TPH1: variants seen among roughly 807,000 people sequenced by gnomAD.
TPH1 encodes the protein tryptophan 5-hydroxylase 1.
Under a neutral mutation model 49.5 loss-of-function variants are expected in TPH1, and 37 were observed. That is an observed-to-expected ratio of 0.75 (90% CI 0.58 to 0.98). The LOEUF is 0.98. Among genes scored for constraint, TPH1 ranks in the 50% least tolerant of loss-of-function variants. The pLI is 0.00. For synonymous variants in TPH1, 160 were observed against 182.1 expected (o/e 0.88, Z 0.98); for missense variants, 487 against 523.6 (o/e 0.93, Z 0.68).
intron 1 of TPH1, among the ~76,000 whole-genome samples, chr11:18,043,022 A>G (rs1848111964): frequency 6.6e-6 from 1 of 152,246 alleles, no homozygotes; most frequent in African/African-American, 2.4e-5. Flanking sequence ...CAAAGACCCC[A>G]AAGTAAAATG....
chr11:18,029,081 CAAAAAAAAAAAAAA>C (rs368358256), intron 6 of TPH1, 70 bp downstream of exon 6: 9 of 540,826 alleles, frequency 1.7e-5, no homozygotes, highest in Non-Finnish European at 2.7e-5. Context: ...GACTCTGTCT[CAAAAAAAAAAAAAA>C]AAAAAAAATG....
Position 18,019,826 on chromosome 11 carries a change from C to T in TPH1, c.*1165G>A. The T allele has an allele frequency of 2.2e-6, 1 of 445,564 alleles. No homozygotes were observed. The highest frequency in any genetic ancestry group is 1.6e-5 in the South Asian group (1 of 62,088). 27.6% of individuals were successfully genotyped at this position (445,564 alleles called of 1,614,324 possible). A position where few individuals can be genotyped will look rare whatever the true frequency, so the allele number is the denominator to read the frequency against. On this transcript the variant is annotated 3_prime_UTR_variant, in exon 11 of 11. Transcript: ENST00000682019. ...CCATTTATAACAGGACTGCTTACTC[C>T]CTGTGCTACACAGCTGACTCTGCAT...
chr11:18,019,930 A>G lies in TPH1; in HGVS notation c.*1061T>C, dbSNP rs1183386680. On this transcript the variant is annotated 3_prime_UTR_variant, in exon 11 of 11. Coordinates refer to ENST00000682019, the MANE Select transcript of TPH1 (RefSeq NM_004179.3). ...CTCTTCTTGACCTTTCTGACATTCT[A>G]TTTCCTCCCCTTTTCTGCAGCCTCT... The G allele has an allele frequency of 5.7e-6, 2 of 353,522 alleles. No homozygotes were observed. The highest frequency in any genetic ancestry group is 1.1e-5 in the Non-Finnish European group (2 of 180,158). 21.9% of individuals were successfully genotyped at this position (353,522 alleles called of 1,614,324 possible).
chr11:18,026,431 A>T, intron 7 of TPH1, 59 bp downstream of exon 7: 11 of 1,070,960 alleles, frequency 1.0e-5, no homozygotes, highest in South Asian at 2.5e-5. Flanking sequence ...CCCATAAGGT[A>T]GATGCCATTA....
At position 18,020,152 on chromosome 11, in the gene TPH1, C is replaced by T. The variant is rs1296770002; in HGVS notation, c.*839G>A. 6.1e-6 allele frequency: 1 copy of T among 165,156 alleles called. No individual in the cohort carries two copies. Among genetic ancestry groups the T allele is most frequent in the Non-Finnish European group, 1.3e-5 (1 of 76,364 alleles). The allele number at this position is 165,156 out of a possible 1,614,324, so 10.2% of individuals were successfully genotyped here. A position where few individuals can be genotyped will look rare whatever the true frequency, so the allele number is the denominator to read the frequency against. On this transcript the variant is annotated 3_prime_UTR_variant, in exon 11 of 11. Transcript: ENST00000682019. Reference sequence around the variant, plus strand: ...CTAGGACCACATGTCTGAGTACAGCCCCATGCAAGTCGCATCTCTACTAAG... The same window carrying T: ...CTAGGACCACATGTCTGAGTACAGCTCCATGCAAGTCGCATCTCTACTAAG...
Position 18,029,255 on chromosome 11 carries a change from A to G in TPH1, c.577T>C (p.Tyr193His). The G allele has an allele frequency of 6.2e-7, 1 of 1,613,888 alleles. No homozygotes were observed. Residue 193 changes from tyrosine to histidine, a missense_variant, in exon 6 of 11, where the codon TAT (tyrosine) becomes CAT (histidine). Transcript: ENST00000682019. ...GAAAGCAAAGGTAAGTTTTTGAGATACTCTCTGCAAGCATGGGTTGGGTAG... is the reference window on the plus strand; with the variant it reads ...GAAAGCAAAGGTAAGTTTTTGAGATGCTCTCTGCAAGCATGGGTTGGGTAG... ...KLYPTHACRE[Y>H]LKNLPLLSKY...
chr11:18,044,181 T>C (rs182742182), intron 1 of TPH1, among the ~76,000 whole-genome samples: 1 of 152,146 alleles, frequency 6.6e-6, no homozygotes, highest in Non-Finnish European at 1.5e-5. Context: ...CCCAGCACTT[T>C]AGGAGGCCGA....
rs545906638 is a variant in TPH1 at position 18,022,699 on chromosome 11, G to C, written c.1160+99C>G. On this transcript the variant is annotated intron_variant, in intron 10 of 10. Transcript: ENST00000682019. ...TGTTACAGACAGAAGGCTCCTTGTG[G>C]GCTTCAAATTATCTAGCTGCTTACT... 24 of 1,331,102 alleles carry C rather than the reference G, an allele frequency of 1.8e-5. No individual in the cohort carries two copies. In the African/African-American group the frequency reaches 3.3e-4, roughly 18 times the overall value. The allele number at this position is 1,331,102 out of a possible 1,614,324, so 82.5% of individuals were successfully genotyped here.
At chr11:18,033,406 C>A in intron 3 of TPH1, 32 bp from the exon 4 acceptor site, 1 of 1,479,288 alleles carries the variant, frequency 6.8e-7, no homozygotes, top group Non-Finnish European at 9.4e-7. Flanking sequence ...AAAATAAAAA[C>A]CAGTAAAAGT....
intron 9 of TPH1, among the ~76,000 whole-genome samples, chr11:18,023,323 C>T (rs1013939492): frequency 6.6e-6 from 1 of 152,158 alleles, no homozygotes; most frequent in Non-Finnish European, 1.5e-5. Context: ...GTTTCATACA[C>T]ATTCATTACT....
intron 2 of TPH1, among the ~76,000 whole-genome samples, chr11:18,037,214 C>T (rs1848055541): frequency 6.6e-6 from 1 of 152,000 alleles, no homozygotes; most frequent in African/African-American, 2.4e-5. Flanking sequence ...ATAAATTAGC[C>T]AGGCGTAGTG....
intron 2 of TPH1, among the ~76,000 whole-genome samples, chr11:18,040,066 C>G (rs1848084825): frequency 6.7e-6 from 1 of 150,268 alleles, no homozygotes; most frequent in Non-Finnish European, 1.5e-5. Context: ...ATCATTAAAT[C>G]TCAAGTATAT....
At chr11:18,043,880 A>G (rs973607989) in intron 1 of TPH1, among the ~76,000 whole-genome samples, 7 of 150,072 alleles carry the variant, frequency 4.7e-5, no homozygotes, top group Non-Finnish European at 2.9e-5. Flanking sequence ...AAAAAAAAAA[A>G]AGAGAATTTC....
At chr11:18,035,389 T>C (rs968194305) in intron 3 of TPH1, among the ~76,000 whole-genome samples, 3 of 92,500 alleles carry the variant, frequency 3.2e-5, no homozygotes, top group Admixed American at 1.3e-4. Flanking sequence ...TTCTTTTCTT[T>C]CTTTTTCTTT....
chr11:18,044,775 C>CA (rs34622205), intron 1 of TPH1, among the ~76,000 whole-genome samples: 1 of 55,556 alleles, frequency 1.8e-5, no homozygotes, highest in Non-Finnish European at 4.3e-5. Flanking sequence ...CAAAACAAAA[C>CA]AAAAAAACAC....
intron 4 of TPH1, 67 bp downstream of exon 4, chr11:18,033,207 C>G (rs143326806): frequency 8.2e-6 from 10 of 1,217,432 alleles, no homozygotes; most frequent in African/African-American, 1.5e-5. Context: ...AAGCCGAGAT[C>G]GTGCCACTGC....
In TPH1 at chr11:18,030,988, C is replaced by T. The variant is rs535065794; in HGVS notation, c.403-1409G>A. On this transcript the variant is annotated intron_variant, in intron 4 of 10. Coordinates refer to ENST00000682019, the MANE Select transcript of TPH1 (RefSeq NM_004179.3). ...AATAACTTTATTGAGGTATAATTCA[C>T]ATACCATAAAATAACCATTCAGTGG... is the stretch of plus-strand genomic sequence containing the variant. Among the ~76,000 whole-genome samples the T allele has an allele frequency of 3.9e-4, 60 of 152,210 alleles. 3 individuals carry two copies. The South Asian group carries it at 0.012, about 31-fold the overall frequency.
chr11:18,026,137 A>G (rs1217622075), intron 7 of TPH1, among the ~76,000 whole-genome samples: 8 of 152,002 alleles, frequency 5.3e-5, no homozygotes, highest in Non-Finnish European at 1.2e-4. Flanking sequence ...ACACCACTCG[A>G]TGCAACATTT....
At chr11:18,027,232 C>T (rs960741960) in intron 6 of TPH1, among the ~76,000 whole-genome samples, 2 of 152,148 alleles carry the variant, frequency 1.3e-5, no homozygotes, top group African/African-American at 4.8e-5. Flanking sequence ...TCAGGAGACC[C>T]CTGTAAGCCC....
Sources: allele counts gnomAD v4.1 joint callset (sites outside exome capture counted in the v4.1 genomes callset), GRCh38; gene constraint gnomAD v4.1.1; transcripts MANE v1.5; gene names NCBI Gene and HGNC (gene_info 2026-07-23, HGNC 2026-07-21).